Variants in LRRIQ3 observed in about 807,000 individuals in gnomAD.
LRRIQ3 encodes the protein leucine rich repeats and IQ motif containing 3, also known as leucine-rich repeat and IQ domain-containing protein 3.
In LRRIQ3, 75 loss-of-function variants were observed where a neutral mutation model predicts 59.3. That is an observed-to-expected ratio of 1.26 (90% CI 1.05 to 1.53). The LOEUF (loss-of-function observed/expected upper bound fraction) is 1.53, where lower values mean the gene tolerates loss of function less well. Among genes scored for constraint, LRRIQ3 ranks in the 40% most tolerant of loss-of-function variants. The pLI is 0.00. For synonymous variants in LRRIQ3, 250 were observed against 231.3 expected (o/e 1.08, Z -0.73); for missense variants, 831 against 710.0 (o/e 1.17, Z -1.94).
intron 4 of LRRIQ3, among the ~76,000 whole-genome samples, chr1:74,150,830 T>G (rs561345826): frequency 9.5e-4 from 145 of 152,180 alleles, no homozygotes; most frequent in African/African-American, 3.4e-3. Context: ...TTAAATTTAC[T>G]CTTCTGATAC....
Position 74,041,609 on chromosome 1 carries a change from C to T in LRRIQ3, c.1322G>A (p.Arg441Lys). 6.2e-7 allele frequency: 1 copy of T among 1,613,800 alleles called. No homozygotes were observed. Among genetic ancestry groups the T allele is most frequent in the South Asian group, 1.1e-5 (1 of 91,062 alleles). ...AGCAACTTGTGCCATGGCTACAACT[C>T]TTACTTTTTCTTTATGGTATTCCTG... ...KKQEYHKEKV[R>K]VVAMAQVARE... Residue 441 changes from arginine (R) to lysine (K), a missense_variant, in exon 7 of 8, where the codon AGA (arginine) becomes AAA (lysine). By Grantham distance (26) the Arg-to-Lys change is conservative. Coordinates refer to ENST00000354431, the MANE Select transcript of LRRIQ3 (RefSeq NM_001105659.2).
chr1:74,098,862 A>C (rs183222119), intron 5 of LRRIQ3, among the ~76,000 whole-genome samples: 12 of 151,988 alleles, frequency 7.9e-5, no homozygotes, highest in Non-Finnish European at 1.2e-4. Flanking sequence ...CCAATGAGAA[A>C]AAAGACACAA....
rs1167128096 is a variant in LRRIQ3, at chr1:74,115,926, A to G, written c.708-6373T>C. Among the ~76,000 whole-genome samples the G allele has an allele frequency of 2.0e-5, 3 of 152,202 alleles. No individual in the cohort carries two copies. In the East Asian group the frequency reaches 5.8e-4, roughly 29 times the overall value. ...GAAGAAAAACAAGACTTGATGACAA[A>G]AACCAAATATTAAACGCTTAAAATG... On this transcript the variant is annotated intron_variant, in intron 4 of 7. Coordinates refer to ENST00000354431, the MANE Select transcript of LRRIQ3 (RefSeq NM_001105659.2).
rs140954139 is a variant in LRRIQ3 at position 74,093,465 on chromosome 1, T to C, written c.867+15929A>G. Among the ~76,000 whole-genome samples, 4 of 152,236 alleles carry C rather than the reference T, an allele frequency of 2.6e-5. No individual in the cohort carries two copies. The East Asian group carries it at 7.7e-4, about 29-fold the overall frequency. ...TATAGGTATGCTGTTTCTATGCCAC[T>C]TTATATGCTAGGTATGTATAAGGTG... On this transcript the variant is annotated intron_variant, in intron 5 of 7. Transcript: ENST00000354431.
intron 1 of LRRIQ3, among the ~76,000 whole-genome samples, chr1:74,195,425 C>A (rs1484592066): frequency 6.6e-6 from 1 of 152,170 alleles, no homozygotes; most frequent in Non-Finnish European, 1.5e-5. Flanking sequence ...ATAATTTCCA[C>A]ACAACAGTCA....
intron 6 of LRRIQ3, among the ~76,000 whole-genome samples, chr1:74,046,232 A>T (rs1488774695): frequency 1.3e-5 from 2 of 152,162 alleles, no homozygotes; most frequent in African/African-American, 4.8e-5. Context: ...AGTAACACAA[A>T]CAGCATGGTA....
At chr1:74,090,212 G>A (rs1646379968) in intron 5 of LRRIQ3, among the ~76,000 whole-genome samples, 2 of 151,934 alleles carry the variant, frequency 1.3e-5, no homozygotes, top group African/African-American at 4.8e-5. Context: ...AGGATCTTAT[G>A]CATTTTCTGT....
In LRRIQ3 at chr1:74,164,518, T is replaced by A. The variant is rs374990296; in HGVS notation, c.574-8652A>T. ...CCAGAATTGTAAATAAATAAATACA[T>A]TTCTCTTTAAGCTACCTAGTGGTAC... On this transcript the variant is annotated intron_variant, in intron 3 of 7. Transcript: ENST00000354431. Among the ~76,000 whole-genome samples, 20 of 151,554 alleles carry A rather than the reference T, an allele frequency of 1.3e-4. No individual in the cohort carries two copies. In the East Asian group the frequency reaches 3.7e-3, roughly 28 times the overall value.
At chr1:74,150,112 C>T (rs1463029113) in intron 4 of LRRIQ3, among the ~76,000 whole-genome samples, 1 of 152,130 alleles carries the variant, frequency 6.6e-6, no homozygotes, top group East Asian at 1.9e-4. Flanking sequence ...TTCAGTATTG[C>T]CTGTCTTCCA....
At chr1:74,096,551 TAA>T (rs940269783) in intron 5 of LRRIQ3, among the ~76,000 whole-genome samples, 1 of 152,168 alleles carries the variant, frequency 6.6e-6, no homozygotes, top group Admixed American at 6.6e-5. Context: ...CGCAACTCGT[TAA>T]AGTCATTCTC....
At chr1:74,128,625 TC>T (rs1220605396) in intron 4 of LRRIQ3, among the ~76,000 whole-genome samples, 1 of 152,042 alleles carries the variant, frequency 6.6e-6, no homozygotes, top group African/African-American at 2.4e-5. Context: ...TTTGGTGAGG[TC>T]ATGTTTTCCT....
intron 3 of LRRIQ3, chr1:74,180,347 C>T (rs1649904402): frequency 1.1e-5 from 2 of 176,092 alleles, no homozygotes; most frequent in Admixed American, 5.7e-5. Flanking sequence ...CCTGTATTTA[C>T]CTGAGAGAAC....
In LRRIQ3 at chr1:74,122,825, A is replaced by C. The variant is rs555587410; in HGVS notation, c.708-13272T>G. Among the ~76,000 whole-genome samples, 562 of 152,268 alleles carry C rather than the reference A, an allele frequency of 3.7e-3. 2 individuals are homozygous for C. Among genetic ancestry groups the C allele is most frequent in the African/African-American group, 0.013 (543 of 41,576 alleles). ...AATGGCAACAAAAGCCAAAATTGAC[A>C]AATGGGATCTAATTAAACTAAAGAG... is the stretch of plus-strand genomic sequence containing the variant. On this transcript the variant is annotated intron_variant, in intron 4 of 7. Coordinates refer to ENST00000354431, the MANE Select transcript of LRRIQ3 (RefSeq NM_001105659.2).
Position 74,160,759 on chromosome 1 carries a change from T to C in LRRIQ3, c.574-4893A>G, listed in dbSNP as rs560964947. 7.2e-5 allele frequency among the ~76,000 whole-genome samples: 11 copies of C among 152,188 alleles called. No homozygotes were observed. The South Asian group carries it at 2.3e-3, about 31-fold the overall frequency. ...CCTAACTGCTCTCACACGAGTCCTATCATATACCATTTGATATTTATTGTA... is the reference window on the plus strand; with the variant it reads ...CCTAACTGCTCTCACACGAGTCCTACCATATACCATTTGATATTTATTGTA... On this transcript the variant is annotated intron_variant, in intron 3 of 7. Coordinates refer to ENST00000354431, the MANE Select transcript of LRRIQ3 (RefSeq NM_001105659.2).
chr1:74,183,092 T>A, intron 2 of LRRIQ3: 1 of 336,826 alleles, frequency 3.0e-6, no homozygotes, highest in Non-Finnish European at 5.3e-6. Flanking sequence ...ATAACCATAC[T>A]TTTTTGTTCA....
At chr1:74,100,216 A>C (rs186136551) in intron 5 of LRRIQ3, among the ~76,000 whole-genome samples, 64,402 of 151,968 alleles carry the variant, frequency 0.42, 15,159 homozygotes, top group East Asian at 0.77. Flanking sequence ...AAGTCTCAGG[A>C]TACAAAATCA....
chr1:74,143,361 T>C (rs1275337963), intron 4 of LRRIQ3, among the ~76,000 whole-genome samples: 1 of 151,930 alleles, frequency 6.6e-6, no homozygotes, highest in Non-Finnish European at 1.5e-5. Context: ...CAAGATAGCA[T>C]TGAAAGAAGT....
chr1:74,182,810 GT>G lies in LRRIQ3; in HGVS notation c.300del (p.Lys100AsnfsTer13). 6.3e-7 allele frequency: 1 copy of G among 1,594,314 alleles called. No individual in the cohort carries two copies. Among genetic ancestry groups the G allele is most frequent in the Non-Finnish European group, 8.5e-7 (1 of 1,169,804 alleles). ...AACCCATTGTCATGAAGATAGAGTA[GT>G]TTTAGGTTCTTCAATCCATTCCAAA... ...TKFWNGLKNLKLLYLHDNGFA... is the reference protein window; with the variant it reads ...TKFWNGLKNLXLLYLHDNGFA... On this transcript the variant is annotated frameshift_variant, in exon 3 of 8. Transcript: ENST00000354431. LOFTEE classifies it high-confidence loss of function.
intron 5 of LRRIQ3, chr1:74,084,252 A>C (rs1021796129): frequency 1.3e-6 from 2 of 1,527,330 alleles, no homozygotes; most frequent in African/African-American, 2.8e-5. Flanking sequence ...TTAAAGATGG[A>C]AAAAATCAGT....
Sources: allele counts gnomAD v4.1 joint callset (sites outside exome capture counted in the v4.1 genomes callset), GRCh38; gene constraint gnomAD v4.1.1; transcripts MANE v1.5; gene names NCBI Gene and HGNC (gene_info 2026-07-23, HGNC 2026-07-21).